The following UPF1 variants were observed in gnomAD, a reference collection of about 807,000 sequenced individuals.
UPF1 encodes the protein regulator of nonsense transcripts 1.
UPF1 carries 9 observed loss-of-function variants against 129.2 expected under a neutral mutation model. The ratio of observed to expected loss-of-function variants is 0.07; its 90% confidence interval spans 0.04 to 0.12. The LOEUF (loss-of-function observed/expected upper bound fraction) is 0.12, where lower values mean the gene tolerates loss of function less well. Among genes scored for constraint, UPF1 ranks in the 10% least tolerant of loss-of-function variants. The probability of loss-of-function intolerance (pLI) is 1.00; values close to 1 mark genes in which losing one functional copy is unlikely to be tolerated. For missense variants in UPF1, 788 were observed against 1,525.3 expected (o/e 0.52, Z 8.05); for synonymous variants, 649 against 644.9 (o/e 1.01, Z -0.10).
intron 1 of UPF1, among the ~76,000 whole-genome samples, chr19:18,840,698 A>C (rs923792632): frequency 6.6e-6 from 1 of 152,170 alleles, no homozygotes; most frequent in African/African-American, 2.4e-5. Context: ...CGGAGGGTTC[A>C]TGGCCTTGAG....
At position 18,856,868 on chromosome 19, in the gene UPF1, C is replaced by G. The variant is rs2055724295; in HGVS notation, c.1825-9C>G. On this transcript the variant is annotated splice_polypyrimidine_tract_variant and intron_variant, in intron 13 of 23. Coordinates refer to ENST00000262803, the MANE Select transcript of UPF1 (RefSeq NM_002911.4). ...GCAGGTGCCCTGATGCCTCTGCACC[C>G]TTCCCCAGAACGCAGATGTCATCTG... is the stretch of plus-strand genomic sequence containing the variant. 4 of 1,608,994 alleles carry G rather than the reference C, an allele frequency of 2.5e-6. No homozygotes were observed. Among genetic ancestry groups the G allele is most frequent in the Non-Finnish European group, 3.4e-6 (4 of 1,178,264 alleles).
At position 18,854,876 on chromosome 19, in the gene UPF1, C is replaced by T. The variant is rs368986407; in HGVS notation, c.1266-3C>T. On this transcript the variant is annotated splice_region_variant and splice_polypyrimidine_tract_variant and intron_variant, in intron 9 of 23. Coordinates refer to ENST00000262803, the MANE Select transcript of UPF1 (RefSeq NM_002911.4). Reference sequence around the variant, plus strand: ...TGTCGCCAACCCCAAACCCTCCTCACAGGATGCAGAGCGCATTGAAAACGT... The same window carrying T: ...TGTCGCCAACCCCAAACCCTCCTCATAGGATGCAGAGCGCATTGAAAACGT... 2.0e-5 allele frequency: 32 copies of T among 1,614,138 alleles called. No homozygotes were observed. The highest frequency in any genetic ancestry group is 4.0e-5 in the African/African-American group (3 of 75,084).
intron 19 of UPF1, 126 bp downstream of exon 19, chr19:18,863,738 TCTCCTAGGGGAGGGTGGGCC>T: frequency 8.4e-7 from 1 of 1,195,526 alleles, no homozygotes; most frequent in Non-Finnish European, 1.1e-6. Flanking sequence ...GAGGGTGGGC[TCTCCTAGGGGAGGGTGGGCC>T]AGCCCACTTC....
chr19:18,853,463 G>T lies in UPF1; in HGVS notation c.1156+113G>T. The T allele has an allele frequency of 9.3e-7, 1 of 1,080,470 alleles. No individual in the cohort carries two copies. The highest frequency in any genetic ancestry group is 2.6e-5 in the East Asian group (1 of 37,950). 66.9% of individuals were successfully genotyped at this position (1,080,470 alleles called of 1,614,324 possible). ...CTGCTGGGCCAGCATCTCATGCTCT[G>T]TGGTGGGTGCTGGTTGGCATCGCCC... On this transcript the variant is annotated intron_variant, in intron 8 of 23. Coordinates refer to ENST00000262803, the MANE Select transcript of UPF1 (RefSeq NM_002911.4). This position sits in a 1 kb window ranked among gnomAD's most constrained non-coding sequence, Gnocchi z 4.4.
At chr19:18,855,605 T>G (rs2055708522) in intron 11 of UPF1, 1 of 493,298 alleles carries the variant, frequency 2.0e-6, no homozygotes, top group Admixed American at 3.7e-5. Context: ...CTGAGCTCCT[T>G]CGGCATCGTG....
In UPF1 at chr19:18,867,377, GGCC is replaced by G. The variant is rs2055864182; in HGVS notation, c.*861_*863del. ...TGCTTCCCGCCTAGACTCGGCGCAG[GGCC>G]CCGCACCGGTGAGGAAGGTGCTTTT... On this transcript the variant is annotated 3_prime_UTR_variant, in exon 24 of 24. Coordinates refer to ENST00000262803, the MANE Select transcript of UPF1 (RefSeq NM_002911.4). The G allele has an allele frequency of 6.6e-6, 1 of 152,298 alleles. No individual in the cohort carries two copies. Among genetic ancestry groups the G allele is most frequent in the Admixed American group, 6.5e-5 (1 of 15,292 alleles). The allele number at this position is 152,298 out of a possible 1,614,324, so 9.4% of individuals were successfully genotyped here. A position where few individuals can be genotyped will look rare whatever the true frequency, so the allele number is the denominator to read the frequency against.
At chr19:18,857,672 G>T in intron 15 of UPF1, 139 bp downstream of exon 15, 1 of 999,298 alleles carries the variant, frequency 1.0e-6, no homozygotes, top group East Asian at 2.7e-5. Context: ...GGCACTTTGT[G>T]CCCAAGGTCT....
chr19:18,859,202 G>A (rs762514078), intron 15 of UPF1, among the ~76,000 whole-genome samples: 22 of 152,208 alleles, frequency 1.4e-4, no homozygotes, highest in Non-Finnish European at 3.1e-4. Flanking sequence ...GCTCGGCGCA[G>A]GCTCAGACCC....
rs181645820 is a variant in UPF1, at chr19:18,842,449, G to A, written c.232-3531G>A. Among the ~76,000 whole-genome samples, 24 of 152,218 alleles carry A rather than the reference G, an allele frequency of 1.6e-4. No homozygotes were observed. The South Asian group carries it at 3.7e-3, about 24-fold the overall frequency. On this transcript the variant is annotated intron_variant, in intron 1 of 23. Transcript: ENST00000262803. ...TAAGTGTGTGAGAGCAAGGGGAGTC[G>A]GAGTGCAGGGGGATGTGATGGAGAG...
chr19:18,853,195 T>C lies in UPF1; in HGVS notation c.1058-57T>C. ...AGTGCCCCTTAATTTGAACTCTCCC[T>C]GGTGGAAGCGACGGCGTGGGTTAAA... On this transcript the variant is annotated intron_variant, in intron 7 of 23. Transcript: ENST00000262803. This position sits in a 1 kb window ranked among gnomAD's most constrained non-coding sequence, Gnocchi z 4.4. The C allele has an allele frequency of 6.3e-7, 1 of 1,597,640 alleles. No individual in the cohort carries two copies. Among genetic ancestry groups the C allele is most frequent in the Non-Finnish European group, 8.6e-7 (1 of 1,168,754 alleles).
At position 18,853,482 on chromosome 19, in the gene UPF1, A is replaced by G; in HGVS notation, c.1156+132A>G. 1 of 841,344 alleles carries G rather than the reference A, an allele frequency of 1.2e-6. No homozygotes were observed. Among genetic ancestry groups the G allele is most frequent in the South Asian group, 1.9e-5 (1 of 53,176 alleles). 52.1% of individuals were successfully genotyped at this position (841,344 alleles called of 1,614,324 possible). A position where few individuals can be genotyped will look rare whatever the true frequency, so the allele number is the denominator to read the frequency against. On this transcript the variant is annotated intron_variant, in intron 8 of 23. Coordinates refer to ENST00000262803, the MANE Select transcript of UPF1 (RefSeq NM_002911.4). This position sits in a 1 kb window ranked among gnomAD's most constrained non-coding sequence, Gnocchi z 4.4. Reference sequence around the variant, plus strand: ...TGCTCTGTGGTGGGTGCTGGTTGGCATCGCCCTCCACTGCTCTTAGGAGAA... The same window carrying G: ...TGCTCTGTGGTGGGTGCTGGTTGGCGTCGCCCTCCACTGCTCTTAGGAGAA...
At position 18,832,254 on chromosome 19, in the gene UPF1, C is replaced by A. The variant is rs1271350690; in HGVS notation, c.45C>A (p.Phe15Leu). ...AYGPSSQTLT[F>L]LDTEEAELLG... ...GGCCCAGCTCGCAGACTCTCACTTTCCTGGACACGGAGGAGGCCGAGCTGC... is the reference window on the plus strand; with the variant it reads ...GGCCCAGCTCGCAGACTCTCACTTTACTGGACACGGAGGAGGCCGAGCTGC... Residue 15 changes from phenylalanine (F) to leucine (L), a missense_variant, in exon 1 of 24, where the codon TTC becomes TTA. Phe to Leu is a conservative substitution (Grantham distance 22). Around this residue, in one of 6 missense-constraint regions of UPF1, gnomAD observed 112 missense variants for 128.2 expected, o/e 0.87. Transcript: ENST00000262803. This position sits in a 1 kb window ranked among gnomAD's most constrained non-coding sequence, Gnocchi z 5.6. 1 of 1,554,728 alleles carries A rather than the reference C, an allele frequency of 6.4e-7. No homozygotes were observed.
chr19:18,860,782 G>T, intron 16 of UPF1, 44 bp from the exon 17 acceptor site: 2 of 1,606,742 alleles, frequency 1.2e-6, no homozygotes, highest in Non-Finnish European at 1.7e-6. Flanking sequence ...CAGGGCTCGG[G>T]ATCCCACAGG....
Position 18,850,850 on chromosome 19 carries a change from G to A in UPF1, c.792G>A (p.Lys264=). The change falls in exon 5 of 24, where the codon AAG becomes AAA. Residue 264 remains lysine, a synonymous_variant. Coordinates refer to ENST00000262803, the MANE Select transcript of UPF1 (RefSeq NM_002911.4). The surrounding 1 kb of genome is among the most constrained non-coding windows in gnomAD (Gnocchi z 7.1). Reference sequence around the variant, plus strand: ...AGATCACGGCACAGCAGATCAACAAGCTGGAGGAGCTGTGGAAGGTGGGGC... The same window carrying A: ...AGATCACGGCACAGCAGATCAACAAACTGGAGGAGCTGTGGAAGGTGGGGC... ...ARQITAQQIN[K]LEELWKENPS... is the part of the protein sequence containing the mutation. The A allele has an allele frequency of 1.3e-6, 2 of 1,590,534 alleles. No homozygotes were observed. The highest frequency in any genetic ancestry group is 1.7e-6 in the Non-Finnish European group (2 of 1,167,620).
intron 8 of UPF1, among the ~76,000 whole-genome samples, chr19:18,854,015 G>A (rs1251364933): frequency 2.6e-5 from 4 of 152,198 alleles, no homozygotes; most frequent in African/African-American, 9.6e-5. Context: ...GGCCTGACAA[G>A]CTCATCCTGA....
At chr19:18,845,771 G>A (rs2055590194) in intron 1 of UPF1, among the ~76,000 whole-genome samples, 1 of 152,136 alleles carries the variant, frequency 6.6e-6, no homozygotes, top group African/African-American at 2.4e-5. Context: ...CCAGCTGTGT[G>A]GGGGACCGGG....
intron 8 of UPF1, 72 bp from the exon 9 acceptor site, chr19:18,854,529 G>A (rs1341892259): frequency 5.8e-6 from 7 of 1,208,324 alleles, no homozygotes; most frequent in South Asian, 1.3e-5. Context: ...TGTTTAAAGA[G>A]CGTGTACCAA....
chr19:18,845,937 G>T, intron 1 of UPF1, 43 bp from the exon 2 acceptor site: 1 of 1,608,142 alleles, frequency 6.2e-7, no homozygotes, highest in Non-Finnish European at 8.5e-7. Context: ...ACTGAGTCCT[G>T]GAAGCTGCAG....
At chr19:18,840,402 C>G (rs890481504) in intron 1 of UPF1, among the ~76,000 whole-genome samples, 18 of 152,204 alleles carry the variant, frequency 1.2e-4, no homozygotes, top group Admixed American at 4.6e-4. Context: ...GGGCTCTCTC[C>G]GCTGGGGAGG....
Sources: allele counts gnomAD v4.1 joint callset (sites outside exome capture counted in the v4.1 genomes callset), GRCh38; gene constraint gnomAD v4.1.1; regional missense constraint gnomAD v4.1.1; non-coding constraint Gnocchi (gnomAD v3.1); transcripts MANE v1.5; gene names NCBI Gene and HGNC (gene_info 2026-07-23, HGNC 2026-07-21).